The following PRKAA1 variants were observed in gnomAD, a reference collection of about 807,000 sequenced individuals.
PRKAA1 encodes 5'-AMP-activated protein kinase catalytic subunit alpha-1.
Under a neutral mutation model 56.9 loss-of-function variants are expected in PRKAA1, and 23 were observed. The ratio of observed to expected loss-of-function variants is 0.40; its 90% CI spans 0.29 to 0.57. PRKAA1 has a LOEUF of 0.57. PRKAA1 is among the 20% of genes least tolerant of loss of function. PRKAA1 has a pLI of 0.39. For missense variants in PRKAA1, 413 were observed against 679.7 expected (o/e 0.61, Z 4.36); for synonymous variants, 226 against 227.0 (o/e 1.00, Z 0.04).
At chr5:40,778,399 A>G (rs1409804358) in intron 1 of PRKAA1, among the ~76,000 whole-genome samples, 1 of 152,240 alleles carries the variant, frequency 6.6e-6, no homozygotes, top group Non-Finnish European at 1.5e-5. Context: ...ATAGGAGAAT[A>G]CATAAGAAAT....
intron 1 of PRKAA1, among the ~76,000 whole-genome samples, chr5:40,795,284 G>A (rs1380739184): frequency 6.6e-6 from 1 of 152,088 alleles, no homozygotes; most frequent in East Asian, 1.9e-4. Context: ...CAAATATGAT[G>A]CAATGTATAC....
At chr5:40,791,646 T>C (rs995363604) in intron 1 of PRKAA1, among the ~76,000 whole-genome samples, 1 of 152,184 alleles carries the variant, frequency 6.6e-6, no homozygotes, top group Non-Finnish European at 1.5e-5. Context: ...CACTTTAAAA[T>C]TGAAAGAATA....
intron 3 of PRKAA1, 144 bp from the exon 4 acceptor site, chr5:40,772,007 G>A: frequency 1.0e-6 from 1 of 992,076 alleles, no homozygotes; most frequent in Non-Finnish European, 1.5e-6. Context: ...GACATGAGGA[G>A]GAGATACCTG....
chr5:40,784,245 T>A (rs576524404), intron 1 of PRKAA1, among the ~76,000 whole-genome samples: 23 of 152,354 alleles, frequency 1.5e-4, no homozygotes, highest in Admixed American at 3.3e-4. Context: ...CTCTGATTGG[T>A]GATACCTATC....
At chr5:40,797,417 C>A (rs957708971) in intron 1 of PRKAA1, among the ~76,000 whole-genome samples, 1 of 152,192 alleles carries the variant, frequency 6.6e-6, no homozygotes, top group East Asian at 1.9e-4. Flanking sequence ...TCATTCAGAA[C>A]GTAAACCATG....
At chr5:40,784,525 G>A (rs997972267) in intron 1 of PRKAA1, among the ~76,000 whole-genome samples, 1 of 152,048 alleles carries the variant, frequency 6.6e-6, no homozygotes, top group Admixed American at 6.6e-5. Context: ...ACCTACTACA[G>A]GAACACTTGT....
At chr5:40,784,580 G>A (rs1744394333) in intron 1 of PRKAA1, among the ~76,000 whole-genome samples, 1 of 152,178 alleles carries the variant, frequency 6.6e-6, no homozygotes. Flanking sequence ...TTAATTTGAT[G>A]TGAGTTTTAA....
At chr5:40,779,081 G>T (rs886577621) in intron 1 of PRKAA1, among the ~76,000 whole-genome samples, 1 of 151,548 alleles carries the variant, frequency 6.6e-6, no homozygotes, top group Admixed American at 6.6e-5. Flanking sequence ...TTATAGGTGT[G>T]AGCCACCATG....
intron 4 of PRKAA1, 82 bp from the exon 5 acceptor site, chr5:40,769,585 G>A (rs1579720153): frequency 9.1e-7 from 1 of 1,103,902 alleles, no homozygotes. Flanking sequence ...AATTGAGTTT[G>A]CATTAAAATG....
At chr5:40,764,377 G>C in intron 8 of PRKAA1, 137 bp downstream of exon 8, 1 of 783,890 alleles carries the variant, frequency 1.3e-6, no homozygotes, top group Admixed American at 3.2e-5. Flanking sequence ...ATATTGCAAA[G>C]GCACAAGAAA....
intron 3 of PRKAA1, among the ~76,000 whole-genome samples, chr5:40,774,069 T>C (rs1743876051): frequency 6.6e-6 from 1 of 152,224 alleles, no homozygotes; most frequent in Non-Finnish European, 1.5e-5. Context: ...ATTATTAGCA[T>C]TTGGTATACA....
chr5:40,789,831 C>T (rs1388757243), intron 1 of PRKAA1, among the ~76,000 whole-genome samples: 3 of 152,202 alleles, frequency 2.0e-5, no homozygotes, highest in Non-Finnish European at 1.5e-5. Flanking sequence ...GGATATACTA[C>T]TTGGCCTGAT....
intron 1 of PRKAA1, among the ~76,000 whole-genome samples, chr5:40,783,519 A>G (rs1236740282): frequency 6.6e-6 from 1 of 152,122 alleles, no homozygotes; most frequent in Non-Finnish European, 1.5e-5. Flanking sequence ...AGCACTTTGG[A>G]GGACGAGGTG....
intron 3 of PRKAA1, among the ~76,000 whole-genome samples, chr5:40,772,086 A>T (rs1036190035): frequency 6.6e-6 from 1 of 152,208 alleles, no homozygotes; most frequent in Non-Finnish European, 1.5e-5. Flanking sequence ...TAATATTATC[A>T]TTTGCATATG....
intron 3 of PRKAA1, 119 bp downstream of exon 3, chr5:40,775,291 A>G: frequency 1.3e-6 from 1 of 763,618 alleles, no homozygotes; most frequent in Non-Finnish European, 2.3e-6. Flanking sequence ...AAACAAATAT[A>G]TGACTAAGGG....
intron 3 of PRKAA1, among the ~76,000 whole-genome samples, chr5:40,775,170 C>T (rs1241565500): frequency 6.6e-6 from 1 of 152,190 alleles, no homozygotes; most frequent in African/African-American, 2.4e-5. Flanking sequence ...TAATAAATCA[C>T]GTTACTGTGA....
intron 1 of PRKAA1, among the ~76,000 whole-genome samples, chr5:40,779,729 C>T (rs1160297906): frequency 2.6e-5 from 4 of 152,264 alleles, no homozygotes; most frequent in African/African-American, 9.6e-5. Context: ...GCAATAGAGT[C>T]ACCCAAAGAG....
At chr5:40,785,113 CCTA>C (rs1303235620) in intron 1 of PRKAA1, among the ~76,000 whole-genome samples, 14 of 152,168 alleles carry the variant, frequency 9.2e-5, no homozygotes, top group Non-Finnish European at 1.8e-4. Flanking sequence ...AGTACCAGCA[CCTA>C]CTATGTGCCA....
chr5:40,788,199 T>G (rs963534437), intron 1 of PRKAA1, among the ~76,000 whole-genome samples: 2 of 152,156 alleles, frequency 1.3e-5, no homozygotes, highest in Non-Finnish European at 2.9e-5. Context: ...ATAGGATGGA[T>G]AGCCCAGAAT....
Sources: allele counts gnomAD v4.1 joint callset (sites outside exome capture counted in the v4.1 genomes callset), GRCh38; gene constraint gnomAD v4.1.1; transcripts MANE v1.5; gene names NCBI Gene and HGNC (gene_info 2026-07-23, HGNC 2026-07-21).